SPATA13: variants seen among roughly 807,000 people sequenced by gnomAD.
The protein encoded by SPATA13 is spermatogenesis associated 13, also known as spermatogenesis-associated protein 13.
A neutral mutation model predicts 104.0 loss-of-function variants in SPATA13; 50 were observed. The ratio of observed to expected loss-of-function variants is 0.48; its 90% CI spans 0.38 to 0.61. The LOEUF is 0.61. Among genes scored for constraint, SPATA13 ranks in the 20% least tolerant of loss-of-function variants. The probability of loss-of-function intolerance (pLI) is 0.00; values close to 1 mark genes in which losing one functional copy is unlikely to be tolerated. For synonymous variants in SPATA13, 606 were observed against 667.5 expected, an observed-to-expected ratio of 0.91 and a Z score of 1.42; for missense variants, 1,524 against 1,690.6, an observed-to-expected ratio of 0.90 and a Z score of 1.73.
chr13:24,075,524 C>A (rs768409200), intron 3 of SPATA13, among the ~76,000 whole-genome samples: 1 of 152,052 alleles, frequency 6.6e-6, no homozygotes, highest in African/African-American at 2.4e-5. Context: ...CTATTTTTTT[C>A]AAATGACCCC....
intron 1 of SPATA13, among the ~76,000 whole-genome samples, chr13:24,169,815 C>T (rs1882893898): frequency 6.6e-6 from 1 of 152,132 alleles, no homozygotes; most frequent in South Asian, 2.1e-4. Context: ...CTCAGTGAGT[C>T]CCCACTCTCC....
intron 11 of SPATA13, 111 bp downstream of exon 11, chr13:24,297,846 C>T: frequency 7.6e-7 from 1 of 1,315,124 alleles, no homozygotes; most frequent in African/African-American, 1.5e-5. Context: ...AGCTGAATCC[C>T]ACCATGGGGA....
intron 1 of SPATA13, among the ~76,000 whole-genome samples, chr13:24,203,362 G>A (rs1164599122): frequency 6.6e-6 from 1 of 152,082 alleles, no homozygotes; most frequent in Non-Finnish European, 1.5e-5. Flanking sequence ...TGATAATATA[G>A]CACTCAACTT....
chr13:24,067,241 G>A (rs1034278406), intron 3 of SPATA13, among the ~76,000 whole-genome samples: 10 of 152,118 alleles, frequency 6.6e-5, no homozygotes, highest in Non-Finnish European at 1.3e-4. Context: ...ACTCAGTTAT[G>A]ACTTCCATGA....
rs1007721617 is a variant in SPATA13 at position 24,067,838 on chromosome 13, G to A, written c.-112+50137G>A. On this transcript the variant is annotated intron_variant, in intron 3 of 14. Transcript: ENST00000424834. Reference sequence around the variant, plus strand: ...TCCTGCCTCAGCCTCCCAAATAGCTGGGACTACAGGTGCCTGCCATCACAT... The same window carrying A: ...TCCTGCCTCAGCCTCCCAAATAGCTAGGACTACAGGTGCCTGCCATCACAT... Among the ~76,000 whole-genome samples, 3 of 152,094 alleles carry A rather than the reference G, an allele frequency of 2.0e-5. No homozygotes were observed. In the East Asian group the frequency reaches 5.8e-4, roughly 29 times the overall value.
intron 2 of SPATA13, among the ~76,000 whole-genome samples, chr13:24,227,776 G>A (rs1474933583): frequency 6.6e-6 from 1 of 151,944 alleles, no homozygotes; most frequent in African/African-American, 2.4e-5. Context: ...TTGCCGTGTT[G>A]GTCAGGTGGT....
rs140520448 is a variant in SPATA13, at chr13:24,268,961, C to T, written c.2165-15174C>T. On this transcript the variant is annotated intron_variant, in intron 4 of 12. Coordinates refer to ENST00000382108, the MANE Select transcript of SPATA13 (RefSeq NM_001166271.3). ...GATATTTGAAGATAAGAGAAGCCTA[C>T]GATATAGTATATAGTCAACATGTGT... Among the ~76,000 whole-genome samples, 217 of 152,178 alleles carry T rather than the reference C, an allele frequency of 1.4e-3. 3 individuals carry two copies. Among genetic ancestry groups the T allele is most frequent in the African/African-American group, 5.0e-3 (206 of 41,488 alleles).
rs1381386228 is a variant in SPATA13, at chr13:24,251,822, G to A, written c.2124G>A (p.Leu708=). Residue 708 remains leucine (L), a synonymous_variant, in exon 4 of 13, where the codon TTG becomes TTA. Coordinates refer to ENST00000382108, the MANE Select transcript of SPATA13 (RefSeq NM_001166271.3). ...TCTCCCAGAGCACCCCCATTGGGTT[G>A]GACCGTGTGGGACGCCGGCGGCAGA... The part of the protein sequence containing the change: ...FTFSQSTPIG[L]DRVGRRRQMR... 1.2e-6 allele frequency: 2 copies of A among 1,614,078 alleles called. No individual in the cohort carries two copies.
At chr13:24,111,580 ATTTT>A (rs531805881) in intron 3 of SPATA13, among the ~76,000 whole-genome samples, 1 of 152,016 alleles carries the variant, frequency 6.6e-6, no homozygotes, top group African/African-American at 2.4e-5. Context: ...GCTAACTTGT[ATTTT>A]TTGTAGAGAT....
At chr13:24,080,358 A>G (rs992557693) in intron 3 of SPATA13, among the ~76,000 whole-genome samples, 3 of 152,276 alleles carry the variant, frequency 2.0e-5, no homozygotes, top group Non-Finnish European at 4.4e-5. Context: ...GAGAATAAGC[A>G]GGAACCAACG....
chr13:24,195,136 C>A (rs1032253390), intron 1 of SPATA13, among the ~76,000 whole-genome samples: 5 of 152,152 alleles, frequency 3.3e-5, no homozygotes, highest in Admixed American at 3.3e-4. Flanking sequence ...GCTCTGGCAA[C>A]CACTGACCTG....
chr13:24,262,561 C>T (rs1325640396), intron 4 of SPATA13, among the ~76,000 whole-genome samples: 1 of 152,150 alleles, frequency 6.6e-6, no homozygotes, highest in Admixed American at 6.5e-5. Flanking sequence ...TATTAACAGA[C>T]CTTTGGGTCA....
intron 4 of SPATA13, chr13:24,270,702 T>C: frequency 1.3e-6 from 2 of 1,492,394 alleles, no homozygotes; most frequent in Non-Finnish European, 1.8e-6. Flanking sequence ...CTGGGCAGGC[T>C]CTGGCCGGGA....
chr13:24,011,055 C>T lies in SPATA13; in HGVS notation c.-146-6612C>T, dbSNP rs373363931. 4.1e-4 allele frequency among the ~76,000 whole-genome samples: 62 copies of T among 152,286 alleles called. No homozygotes were observed. The highest frequency in any genetic ancestry group is 1.4e-3 in the African/African-American group (59 of 41,574). On this transcript the variant is annotated intron_variant, in intron 2 of 14. Transcript: ENST00000424834. This position sits in a 1 kb window ranked among gnomAD's most constrained non-coding sequence, Gnocchi z 4.3. ...CCCATACTGCTGGGATATGCCTGCA[C>T]TCTGCAGTTTGCTGACTCCTCTGCA...
intron 3 of SPATA13, among the ~76,000 whole-genome samples, chr13:24,074,925 C>G (rs1593313760): frequency 8.7e-6 from 1 of 114,390 alleles, no homozygotes; most frequent in African/African-American, 3.3e-5. Flanking sequence ...TGGCATTTGC[C>G]TTATTTGAAC....
chr13:24,118,420 T>G (rs994817011), intron 3 of SPATA13, among the ~76,000 whole-genome samples: 1 of 152,234 alleles, frequency 6.6e-6, no homozygotes, highest in Non-Finnish European at 1.5e-5. Context: ...ACCTGATATA[T>G]TCAGGAAACA....
chr13:24,018,745 T>G (rs967994338), intron 3 of SPATA13, among the ~76,000 whole-genome samples: 9 of 152,158 alleles, frequency 5.9e-5, no homozygotes, highest in African/African-American at 2.2e-4. Flanking sequence ...ACTGATGCAT[T>G]TTTTTTGAAA....
intron 3 of SPATA13, among the ~76,000 whole-genome samples, chr13:24,045,647 C>T (rs900707847): frequency 3.3e-5 from 5 of 152,126 alleles, no homozygotes; most frequent in Non-Finnish European, 5.9e-5. Context: ...CAAGGGAAGT[C>T]GAGAAGTTCA....
intron 3 of SPATA13, among the ~76,000 whole-genome samples, chr13:24,143,582 A>G (rs903024226): frequency 1.3e-5 from 2 of 152,232 alleles, no homozygotes; most frequent in East Asian, 1.9e-4. Context: ...CTTTCCAAGT[A>G]GAAGTCTTTT....
Sources: allele counts gnomAD v4.1 joint callset (sites outside exome capture counted in the v4.1 genomes callset), GRCh38; gene constraint gnomAD v4.1.1; non-coding constraint Gnocchi (gnomAD v3.1); transcripts MANE v1.5; gene names NCBI Gene and HGNC (gene_info 2026-07-23, HGNC 2026-07-21).